GRIK4: variants seen among roughly 807,000 people sequenced by gnomAD.
The protein encoded by GRIK4 is glutamate ionotropic receptor kainate type subunit 4, also known as glutamate receptor ionotropic, kainate 4.
In GRIK4, 40 loss-of-function variants were observed where a neutral mutation model predicts 104.9. The ratio of observed to expected loss-of-function variants is 0.38; its 90% CI spans 0.30 to 0.50. GRIK4 has a LOEUF of 0.50. Ranked by LOEUF, GRIK4 falls within the 20% of genes least tolerant of loss-of-function variation. The pLI, the probability that GRIK4 is intolerant of heterozygous loss-of-function variation, is 0.93. For missense variants in GRIK4, 1,047 were observed against 1,308.1 expected (o/e 0.80, Z 3.08); for synonymous variants, 485 against 524.9 (o/e 0.92, Z 1.04).
intron 5 of GRIK4, among the ~76,000 whole-genome samples, chr11:120,815,741 C>T (rs940356682): frequency 4.6e-5 from 7 of 152,186 alleles, no homozygotes; most frequent in Admixed American, 1.3e-4. Context: ...GTGCCCCCAG[C>T]GGCCTCTTGG....
At chr11:120,734,037 A>T (rs1487496206) in intron 3 of GRIK4, among the ~76,000 whole-genome samples, 1 of 152,148 alleles carries the variant, frequency 6.6e-6, no homozygotes, top group Non-Finnish European at 1.5e-5. Flanking sequence ...CGCCTGGCCC[A>T]TTGTTTAGTC....
At chr11:120,616,126 C>A (rs1204522026) in intron 1 of GRIK4, among the ~76,000 whole-genome samples, 1 of 152,072 alleles carries the variant, frequency 6.6e-6, no homozygotes, top group East Asian at 1.9e-4. Context: ...AAATCCCTGG[C>A]CTTACATCTT....
intron 1 of GRIK4, among the ~76,000 whole-genome samples, chr11:120,594,646 T>C (rs1449535192): frequency 2.0e-5 from 3 of 152,166 alleles, no homozygotes; most frequent in African/African-American, 7.2e-5. Flanking sequence ...CCATCTTCCA[T>C]GTCAGCAGAA....
chr11:120,906,806 G>A (rs1428672858), intron 13 of GRIK4, among the ~76,000 whole-genome samples: 2 of 152,192 alleles, frequency 1.3e-5, no homozygotes, highest in African/African-American at 4.8e-5. Flanking sequence ...TGCAATGACC[G>A]AGCAGGGTAA....
rs1948642193 is a variant in GRIK4 at position 120,585,110 on chromosome 11, T to C, written c.-158-68575T>C. 5.9e-5 allele frequency among the ~76,000 whole-genome samples: 9 copies of C among 152,222 alleles called. No individual in the cohort carries two copies. In the South Asian group the frequency reaches 1.9e-3, roughly 32 times the overall value. Reference sequence around the variant, plus strand: ...AGGGAGGAGTCCCTCCTCTTTAATTTTTTGGAATAGATTCAGTAAGACTTT... The same window carrying C: ...AGGGAGGAGTCCCTCCTCTTTAATTCTTTGGAATAGATTCAGTAAGACTTT... On this transcript the variant is annotated intron_variant, in intron 1 of 20. Coordinates refer to ENST00000527524, the MANE Select transcript of GRIK4 (RefSeq NM_014619.5).
chr11:120,879,753 C>T (rs1954912980), intron 11 of GRIK4, among the ~76,000 whole-genome samples: 1 of 152,146 alleles, frequency 6.6e-6, no homozygotes, highest in Non-Finnish European at 1.5e-5. Context: ...TGTTTCAGCT[C>T]CACCCTCCAG....
intron 12 of GRIK4, among the ~76,000 whole-genome samples, chr11:120,899,714 G>A (rs1942680647): frequency 6.6e-6 from 1 of 152,164 alleles, no homozygotes; most frequent in African/African-American, 2.4e-5. Flanking sequence ...CCAACTACAT[G>A]TATTAAGCAG....
chr11:120,647,589 T>C (rs761512629), intron 1 of GRIK4, among the ~76,000 whole-genome samples: 1 of 152,248 alleles, frequency 6.6e-6, no homozygotes, highest in Non-Finnish European at 1.5e-5. Flanking sequence ...CAGCCCTTGC[T>C]TGCTTTCCCC....
At chr11:120,569,862 C>G (rs1430244051) in intron 1 of GRIK4, among the ~76,000 whole-genome samples, 1 of 152,140 alleles carries the variant, frequency 6.6e-6, no homozygotes, top group Non-Finnish European at 1.5e-5. Context: ...TCCCATACTC[C>G]CAAAGACCAC....
At chr11:120,836,172 A>AG (rs1347670809) in intron 7 of GRIK4, among the ~76,000 whole-genome samples, 1 of 152,174 alleles carries the variant, frequency 6.6e-6, no homozygotes, top group Non-Finnish European at 1.5e-5. Context: ...ACAGTCCTGA[A>AG]GGGGGAGTAT....
intron 18 of GRIK4, among the ~76,000 whole-genome samples, chr11:120,965,107 T>C (rs1944360972): frequency 6.6e-6 from 1 of 152,180 alleles, no homozygotes; most frequent in Non-Finnish European, 1.5e-5. Context: ...TTAAGTGGAA[T>C]GTAAGAGCCT....
intron 9 of GRIK4, among the ~76,000 whole-genome samples, chr11:120,867,558 T>G (rs925271124): frequency 6.6e-6 from 1 of 151,874 alleles, no homozygotes; most frequent in Non-Finnish European, 1.5e-5. Context: ...ATTGCCTTTT[T>G]CTCCTGACTT....
chr11:120,984,226 T>C (rs1435760854), intron 20 of GRIK4, among the ~76,000 whole-genome samples: 1 of 152,216 alleles, frequency 6.6e-6, no homozygotes, highest in Non-Finnish European at 1.5e-5. Context: ...GTAGAACAAC[T>C]ATGCCATTGG....
intron 5 of GRIK4, among the ~76,000 whole-genome samples, chr11:120,817,008 C>T (rs1248551323): frequency 2.6e-5 from 4 of 152,156 alleles, no homozygotes; most frequent in Admixed American, 6.5e-5. Flanking sequence ...ATCTTTCTTG[C>T]GGCACTCTGA....
rs758051263 is a variant in GRIK4, at chr11:120,962,552, G to T, written c.2137G>T (p.Val713Leu). ...VKSTEEGIAR[V>L]LNSNYAFLLE... ...GAGCACAGAGGAGGGAATCGCCAGG[G>T]TGTTGAATTCCAACTACGCCTTCCT... The change falls in exon 18 of 21, where the codon GTG becomes TTG. Residue 713 changes from valine to leucine, a missense_variant. Val to Leu is a conservative substitution (Grantham distance 32). Around this residue, in one of 3 missense-constraint regions of GRIK4, gnomAD observed 440 missense variants for 652.3 expected, o/e 0.67. Transcript: ENST00000527524. 4 of 1,613,992 alleles carry T rather than the reference G, an allele frequency of 2.5e-6. No homozygotes were observed. Among genetic ancestry groups the T allele is most frequent in the South Asian group, 2.2e-5 (2 of 91,080 alleles).
intron 19 of GRIK4, among the ~76,000 whole-genome samples, chr11:120,974,592 T>C (rs1487118201): frequency 6.6e-6 from 1 of 152,238 alleles, no homozygotes; most frequent in East Asian, 1.9e-4. Context: ...TAATCCAATA[T>C]TACAGCTCAA....
chr11:120,943,305 T>C (rs1380689737), intron 14 of GRIK4, among the ~76,000 whole-genome samples: 1 of 152,120 alleles, frequency 6.6e-6, no homozygotes, highest in African/African-American at 2.4e-5. Flanking sequence ...GAACTGACAG[T>C]TTCTACATTT....
chr11:120,915,680 CCAG>C (rs1380546737), intron 13 of GRIK4, among the ~76,000 whole-genome samples: 2 of 152,114 alleles, frequency 1.3e-5, no homozygotes, highest in African/African-American at 4.8e-5. Flanking sequence ...CTCATGTGCT[CCAG>C]ACCCTTGCTC....
chr11:120,913,689 A>G (rs1943046331), intron 13 of GRIK4, among the ~76,000 whole-genome samples: 1 of 151,784 alleles, frequency 6.6e-6, no homozygotes, highest in Admixed American at 6.6e-5. Context: ...CTTACCAATG[A>G]CATTTTGATG....
Sources: allele counts gnomAD v4.1 joint callset (sites outside exome capture counted in the v4.1 genomes callset), GRCh38; gene constraint gnomAD v4.1.1; regional missense constraint gnomAD v4.1.1; transcripts MANE v1.5; gene names NCBI Gene and HGNC (gene_info 2026-07-23, HGNC 2026-07-21).